Variants in MC2R observed in about 807,000 individuals in gnomAD.
MC2R encodes the protein adrenocorticotropic hormone receptor.
In MC2R, 9 loss-of-function variants were observed where a neutral mutation model predicts 9.8. That is an observed-to-expected ratio of 0.92 (90% confidence interval 0.55 to 1.60). The LOEUF is 1.60. MC2R is among the 40% of genes most tolerant of loss of function. The pLI, the probability that MC2R is intolerant of heterozygous loss-of-function variation, is 0.00. For synonymous variants in MC2R, 185 were observed against 154.7 expected (o/e 1.20, Z -1.45); for missense variants, 370 against 389.0 (o/e 0.95, Z 0.41).
chr18:13,892,801 CTGTT>C (rs2045323326), intron 1 of MC2R, among the ~76,000 whole-genome samples: 1 of 87,748 alleles, frequency 1.1e-5, no homozygotes, highest in Admixed American at 1.6e-4. Flanking sequence ...TAGACATAAT[CTGTT>C]ACACACACAC....
intron 1 of MC2R, among the ~76,000 whole-genome samples, chr18:13,886,413 G>A (rs149903772): frequency 3.3e-5 from 5 of 152,242 alleles, no homozygotes; most frequent in African/African-American, 9.6e-5. Context: ...GAACAGCAGC[G>A]GTGCCCTTGA....
chr18:13,913,084 T>A (rs1179322637), intron 1 of MC2R, among the ~76,000 whole-genome samples: 2 of 152,274 alleles, frequency 1.3e-5, no homozygotes, highest in East Asian at 3.9e-4. Flanking sequence ...AAATTAGGCA[T>A]GAATGACAAT....
chr18:13,896,945 A>C (rs1274013873), intron 1 of MC2R, among the ~76,000 whole-genome samples: 1 of 152,238 alleles, frequency 6.6e-6, no homozygotes, highest in East Asian at 1.9e-4. Context: ...TGAAATAATA[A>C]AGGCAGAGAC....
At chr18:13,913,745 T>C (rs1541286) in intron 1 of MC2R, among the ~76,000 whole-genome samples, 81,808 of 152,020 alleles carry the variant, frequency 0.54, 23,107 homozygotes, top group African/African-American at 0.71. Flanking sequence ...ACAGACTCTC[T>C]TCCACTGCCC....
intron 1 of MC2R, among the ~76,000 whole-genome samples, chr18:13,897,136 C>T (rs1332597626): frequency 6.6e-6 from 1 of 152,174 alleles, no homozygotes; most frequent in African/African-American, 2.4e-5. Context: ...AAAACAGTCT[C>T]AAATTGCAGA....
chr18:13,883,979 T>C lies in MC2R; in HGVS notation c.*646A>G, dbSNP rs1455172104. ...AGCTCGTTATTTGACATTTATAGTT[T>C]ATACTCAGCCTACTTTCTGAAACTG... is the stretch of plus-strand genomic sequence containing the variant. On this transcript the variant is annotated 3_prime_UTR_variant, in exon 2 of 2. Coordinates refer to ENST00000327606, the MANE Select transcript of MC2R (RefSeq NM_000529.2). The C allele has an allele frequency of 6.3e-6, 1 of 158,454 alleles. No individual in the cohort carries two copies. Among genetic ancestry groups the C allele is most frequent in the Non-Finnish European group, 1.4e-5 (1 of 71,332 alleles). The allele number at this position is 158,454 out of a possible 1,614,324, so 9.8% of individuals were successfully genotyped here.
Position 13,901,960 on chromosome 18 carries a change from G to A in MC2R, c.-129+13528C>T, listed in dbSNP as rs537296179. On this transcript the variant is annotated intron_variant, in intron 1 of 1. Transcript: ENST00000327606. Reference sequence around the variant, plus strand: ...AAAACTATAGGCCAATATCTCTGACGAAGAAATCCATCCCCCCCACCGACT... The same window carrying A: ...AAAACTATAGGCCAATATCTCTGACAAAGAAATCCATCCCCCCCACCGACT... 1.6e-4 allele frequency among the ~76,000 whole-genome samples: 25 copies of A among 152,048 alleles called. No homozygotes were observed. In the East Asian group the frequency reaches 2.3e-3, roughly 14 times the overall value.
At chr18:13,906,073 A>G (rs1201153132) in intron 1 of MC2R, among the ~76,000 whole-genome samples, 1 of 152,168 alleles carries the variant, frequency 6.6e-6, no homozygotes, top group Admixed American at 6.5e-5. Context: ...ACCCCATCTC[A>G]AAAAAGAAAA....
intron 1 of MC2R, among the ~76,000 whole-genome samples, chr18:13,903,574 GA>G (rs2045393197): frequency 1.3e-5 from 2 of 152,174 alleles, no homozygotes; most frequent in Non-Finnish European, 2.9e-5. Flanking sequence ...GCCAGGAACA[GA>G]AAGACAAACA....
At chr18:13,896,006 T>G (rs1435615755) in intron 1 of MC2R, among the ~76,000 whole-genome samples, 1 of 152,178 alleles carries the variant, frequency 6.6e-6, no homozygotes, top group African/African-American at 2.4e-5. Flanking sequence ...CATATTAGAT[T>G]GGTATTTGAA....
At chr18:13,911,383 A>C (rs2045443495) in intron 1 of MC2R, among the ~76,000 whole-genome samples, 1 of 152,244 alleles carries the variant, frequency 6.6e-6, no homozygotes, top group Non-Finnish European at 1.5e-5. Context: ...AAATGGCTCA[A>C]AATTTCCTCT....
upstream of MC2R, chr18:13,915,688 A>G (rs2045471981): frequency 6.6e-6 from 1 of 152,298 alleles, no homozygotes. Context: ...AGTTAGAGAA[A>G]TGGAAAGACA....
At chr18:13,900,462 T>A (rs942572823) in intron 1 of MC2R, among the ~76,000 whole-genome samples, 2 of 152,040 alleles carry the variant, frequency 1.3e-5, no homozygotes, top group Admixed American at 1.3e-4. Flanking sequence ...ACAGAATGGC[T>A]GAATGGATGA....
intron 1 of MC2R, among the ~76,000 whole-genome samples, chr18:13,891,523 T>C (rs1940897): frequency 0.37 from 56,421 of 152,160 alleles, 10,493 homozygotes; most frequent in Middle Eastern, 0.41. Context: ...GGGGCTATCC[T>C]GGTTGACATC....
chr18:13,891,142 G>C (rs1175416527), intron 1 of MC2R, among the ~76,000 whole-genome samples: 1 of 152,136 alleles, frequency 6.6e-6, no homozygotes, highest in African/African-American at 2.4e-5. Flanking sequence ...TCACGTCCAC[G>C]GCCAGCATGC....
rs139860273 is a variant in MC2R, at chr18:13,885,041, C to T, written c.478G>A (p.Gly160Arg). 3 of 1,614,134 alleles carry T rather than the reference C, an allele frequency of 1.9e-6. No individual in the cohort carries two copies. The highest frequency in any genetic ancestry group is 2.5e-6 in the Non-Finnish European group (3 of 1,180,016). The change falls in exon 2 of 2, where the codon GGG becomes AGG. Residue 160 changes from glycine (G) to arginine (R), a missense_variant. Transcript: ENST00000327606. Reference protein sequence around the residue: ...VLTVIWTFCTGTGITMVIFSH... With the variant: ...VLTVIWTFCTRTGITMVIFSH... ...AAGATCACCATGGTGATGCCAGTCC[C>T]CGTGCAGAACGTCCAGATGACCGTA...
rs993758175 is a variant in MC2R, at chr18:13,882,670, C to G, written c.*1955G>C. ...ATACAGGTTAAGTGGCATTGCTTAC[C>G]TCTGTGGTATCACAGAGCATTGCAG... On this transcript the variant is annotated 3_prime_UTR_variant, in exon 2 of 2. Transcript: ENST00000327606. The G allele has an allele frequency of 6.6e-6, 1 of 152,182 alleles. No homozygotes were observed. Among genetic ancestry groups the G allele is most frequent in the South Asian group, 2.1e-4 (1 of 4,832 alleles). The allele number at this position is 152,182 out of a possible 1,614,324, so 9.4% of individuals were successfully genotyped here. A position where few individuals can be genotyped will look rare whatever the true frequency, so the allele number is the denominator to read the frequency against.
intron 1 of MC2R, among the ~76,000 whole-genome samples, chr18:13,908,462 T>C (rs9963477): frequency 0.51 from 77,782 of 151,956 alleles, 20,881 homozygotes; most frequent in African/African-American, 0.67. Context: ...AATAAATCAG[T>C]AGGGTGACTA....
intron 1 of MC2R, among the ~76,000 whole-genome samples, chr18:13,889,294 A>C (rs1022929617): frequency 1.3e-5 from 2 of 152,226 alleles, no homozygotes; most frequent in African/African-American, 4.8e-5. Flanking sequence ...AGGTCTTAGA[A>C]GGCTCTAACT....
Sources: gnomAD v4.1 joint callset for allele counts (sites outside exome capture counted in the v4.1 genomes callset) on GRCh38, gnomAD v4.1.1 for gene constraint, MANE v1.5 for transcripts, NCBI Gene and HGNC (gene_info 2026-07-23, HGNC 2026-07-21) for gene names.